Variants in TRPM3 observed in about 807,000 individuals in gnomAD.
TRPM3 encodes long transient receptor potential channel 3.
A neutral mutation model predicts 181.2 loss-of-function variants in TRPM3; 77 were observed. The ratio of observed to expected loss-of-function variants is 0.42; its 90% confidence interval spans 0.35 to 0.51. TRPM3 has a LOEUF of 0.51. Ranked by LOEUF, TRPM3 falls within the 20% of genes least tolerant of loss-of-function variation. The pLI, the probability that TRPM3 is intolerant of heterozygous loss-of-function variation, is 0.01. For synonymous variants in TRPM3, 745 were observed against 796.4 expected (o/e 0.94, Z 1.09); for missense variants, 1,759 against 2,196.7 (o/e 0.80, Z 3.98).
chr9:71,203,334 A>G (rs972903123), intron 1 of TRPM3, among the ~76,000 whole-genome samples: 4 of 152,306 alleles, frequency 2.6e-5, no homozygotes, highest in Middle Eastern at 6.8e-3. Flanking sequence ...CTGGCTCACA[A>G]TGCATATTCA....
At chr9:70,914,618 G>A (rs563133076) in intron 1 of TRPM3, among the ~76,000 whole-genome samples, 5 of 152,166 alleles carry the variant, frequency 3.3e-5, no homozygotes, top group Non-Finnish European at 7.3e-5. Flanking sequence ...AGACAGCTAG[G>A]GAGTGGTTAC....
At chr9:71,036,778 A>G (rs2058254695) in intron 1 of TRPM3, among the ~76,000 whole-genome samples, 1 of 152,230 alleles carries the variant, frequency 6.6e-6, no homozygotes, top group Non-Finnish European at 1.5e-5. Context: ...GACAGCATGG[A>G]AAACCGGACA....
chr9:71,031,773 T>A (rs1443676341), intron 1 of TRPM3, among the ~76,000 whole-genome samples: 1 of 150,388 alleles, frequency 6.6e-6, no homozygotes, highest in Non-Finnish European at 1.5e-5. Flanking sequence ...GTTTGGCCAC[T>A]AATATTTTCA....
At chr9:70,654,080 T>A (rs2059950813) in intron 9 of TRPM3, among the ~76,000 whole-genome samples, 1 of 152,040 alleles carries the variant, frequency 6.6e-6, no homozygotes, top group South Asian at 2.1e-4. Context: ...CTCTTTTTTT[T>A]TTTCTTCCTT....
chr9:70,858,238 G>T (rs1589294639), intron 3 of TRPM3, among the ~76,000 whole-genome samples: 1 of 152,068 alleles, frequency 6.6e-6, no homozygotes, highest in East Asian at 1.9e-4. Context: ...TTAGAGGCAG[G>T]GGACCCAAGG....
intron 1 of TRPM3, among the ~76,000 whole-genome samples, chr9:71,410,198 A>C (rs1439888918): frequency 6.6e-6 from 1 of 152,182 alleles, no homozygotes; most frequent in Non-Finnish European, 1.5e-5. Flanking sequence ...AATTAAAAGA[A>C]CTGGAGAAGC....
intron 1 of TRPM3, among the ~76,000 whole-genome samples, chr9:71,239,626 T>G (rs530412972): frequency 6.6e-6 from 1 of 152,232 alleles, no homozygotes; most frequent in Admixed American, 6.5e-5. Context: ...CAGAAAATAT[T>G]TGCCTGTTTC....
At chr9:71,114,884 G>A (rs569421355) in intron 1 of TRPM3, among the ~76,000 whole-genome samples, 7 of 152,122 alleles carry the variant, frequency 4.6e-5, no homozygotes. Flanking sequence ...AAGTTCAATA[G>A]CATAGAAAAT....
chr9:71,428,463 T>C (rs554796639), intron 1 of TRPM3, among the ~76,000 whole-genome samples: 3 of 152,200 alleles, frequency 2.0e-5, no homozygotes, highest in South Asian at 2.1e-4. Context: ...CCTTCTCCCA[T>C]GGAGTGGCTG....
At chr9:70,548,008 C>A (rs1431707061) in intron 25 of TRPM3, among the ~76,000 whole-genome samples, 2 of 152,208 alleles carry the variant, frequency 1.3e-5, no homozygotes, top group Non-Finnish European at 2.9e-5. Flanking sequence ...GCCTTCCTTG[C>A]ATCTTAACAC....
At chr9:71,288,238 T>C (rs1047525367) in intron 1 of TRPM3, among the ~76,000 whole-genome samples, 2 of 151,672 alleles carry the variant, frequency 1.3e-5, no homozygotes, top group African/African-American at 4.8e-5. Flanking sequence ...AAAAGATACC[T>C]TAGTGAATAG....
At chr9:71,067,526 A>G (rs1166575983) in intron 1 of TRPM3, among the ~76,000 whole-genome samples, 1 of 152,240 alleles carries the variant, frequency 6.6e-6, no homozygotes, top group Non-Finnish European at 1.5e-5. Flanking sequence ...ATCCTGGCGA[A>G]TAAATCATCT....
At chr9:70,879,240 G>A (rs1298187909) in intron 1 of TRPM3, among the ~76,000 whole-genome samples, 2 of 152,092 alleles carry the variant, frequency 1.3e-5, no homozygotes, top group African/African-American at 4.8e-5. Flanking sequence ...CAGTCACTTT[G>A]GGCCAGGAGA....
intron 19 of TRPM3, among the ~76,000 whole-genome samples, chr9:70,607,631 G>C (rs1377805051): frequency 6.6e-6 from 1 of 152,068 alleles, no homozygotes; most frequent in Non-Finnish European, 1.5e-5. Context: ...ATTCGCCTGG[G>C]AAGCTGGTTA....
intron 9 of TRPM3, among the ~76,000 whole-genome samples, chr9:70,642,009 A>G (rs1193873738): frequency 6.6e-6 from 1 of 152,228 alleles, no homozygotes; most frequent in Non-Finnish European, 1.5e-5. Flanking sequence ...GGTTTTTCAC[A>G]GTTCACCAAC....
intron 1 of TRPM3, among the ~76,000 whole-genome samples, chr9:71,417,403 A>C (rs1184994830): frequency 6.6e-6 from 1 of 151,946 alleles, no homozygotes; most frequent in Non-Finnish European, 1.5e-5. Context: ...GGTATTGAGC[A>C]TCTCTTTATG....
intron 1 of TRPM3, among the ~76,000 whole-genome samples, chr9:71,314,241 TAAA>T (rs1445202071): frequency 6.6e-6 from 1 of 152,126 alleles, no homozygotes; most frequent in African/African-American, 2.4e-5. Flanking sequence ...ATACCTGTGA[TAAA>T]TACACCAAGA....
intron 1 of TRPM3, among the ~76,000 whole-genome samples, chr9:71,360,931 C>T (rs376107624): frequency 6.6e-6 from 1 of 152,106 alleles, no homozygotes; most frequent in Non-Finnish European, 1.5e-5. Context: ...AGACATATGG[C>T]AGTTCATTAT....
chr9:70,596,801 G>A (rs1028402088), intron 21 of TRPM3, among the ~76,000 whole-genome samples: 5 of 151,830 alleles, frequency 3.3e-5, no homozygotes, highest in Non-Finnish European at 5.9e-5. Flanking sequence ...TTAGCAAAGA[G>A]GTTTTTCTTT....
Sources: gnomAD v4.1 joint callset for allele counts (sites outside exome capture counted in the v4.1 genomes callset) on GRCh38, gnomAD v4.1.1 for gene constraint, MANE v1.5 for transcripts, NCBI Gene and HGNC (gene_info 2026-07-23, HGNC 2026-07-21) for gene names.